CNTNAP2: variants seen among roughly 807,000 people sequenced by gnomAD.
CNTNAP2 encodes contactin-associated protein-like 2.
CNTNAP2 carries 98 observed loss-of-function variants against 155.2 expected under a neutral mutation model. That is an observed-to-expected ratio of 0.63 (90% CI 0.54 to 0.75). The LOEUF (loss-of-function observed/expected upper bound fraction) is 0.75, where lower values mean the gene tolerates loss of function less well. Among genes scored for constraint, CNTNAP2 ranks in the 30% least tolerant of loss-of-function variants. The pLI is 0.00. For synonymous variants in CNTNAP2, 651 were observed against 631.2 expected (o/e 1.03, Z -0.47); for missense variants, 1,727 against 1,688.1 (o/e 1.02, Z -0.40).
intron 3 of CNTNAP2, among the ~76,000 whole-genome samples, chr7:146,927,589 A>ATATACAATTTGTATAAAGATATACAG (rs1563005422): frequency 1.3e-5 from 2 of 152,156 alleles, no homozygotes; most frequent in African/African-American, 4.8e-5. Flanking sequence ...AAGATATACA[A>ATATACAATTTGTATAAAGATATACAG]TATTACTCCT....
chr7:146,512,587 A>T (rs539338159), intron 1 of CNTNAP2, among the ~76,000 whole-genome samples: 2 of 150,960 alleles, frequency 1.3e-5, no homozygotes, highest in African/African-American at 4.9e-5. Flanking sequence ...ATATATTCGT[A>T]GAGTTTCCAA....
chr7:146,931,076 C>T (rs1371423411), intron 3 of CNTNAP2, among the ~76,000 whole-genome samples: 38 of 151,850 alleles, frequency 2.5e-4, no homozygotes, highest in Non-Finnish European at 4.4e-5. Flanking sequence ...CAGCTCTGCA[C>T]CAAGTGGACC....
At chr7:148,329,570 G>A (rs1797950140) in intron 21 of CNTNAP2, among the ~76,000 whole-genome samples, 1 of 152,198 alleles carries the variant, frequency 6.6e-6, no homozygotes, top group Admixed American at 6.5e-5. Context: ...CAGGATTTGA[G>A]TTACGAGGCC....
At chr7:146,485,020 A>G (rs1797033667) in intron 1 of CNTNAP2, among the ~76,000 whole-genome samples, 1 of 152,228 alleles carries the variant, frequency 6.6e-6, no homozygotes, top group Non-Finnish European at 1.5e-5. Flanking sequence ...TATGTACGAA[A>G]AAGAGCAAGA....
At chr7:147,349,202 G>T (rs1795928634) in intron 9 of CNTNAP2, among the ~76,000 whole-genome samples, 1 of 151,816 alleles carries the variant, frequency 6.6e-6, no homozygotes, top group Non-Finnish European at 1.5e-5. Context: ...ATCCTAATCT[G>T]ACCGTTATAC....
chr7:146,921,689 C>A (rs945455222), intron 3 of CNTNAP2, among the ~76,000 whole-genome samples: 1 of 152,044 alleles, frequency 6.6e-6, no homozygotes, highest in African/African-American at 2.4e-5. Flanking sequence ...CTCCACCTGG[C>A]CCCACCTTTG....
At chr7:146,137,131 G>A (rs577105439) in intron 1 of CNTNAP2, among the ~76,000 whole-genome samples, 3 of 152,142 alleles carry the variant, frequency 2.0e-5, no homozygotes, top group Admixed American at 2.0e-4. Context: ...ATCCTTTATA[G>A]AGTAGCCTTT....
rs993686286 is a variant in CNTNAP2, at chr7:147,393,041, G to A, written c.1499-2568G>A. 1.7e-4 allele frequency among the ~76,000 whole-genome samples: 26 copies of A among 152,008 alleles called. 1 individual carries two copies. The highest frequency in any genetic ancestry group is 5.3e-4 in the Admixed American group (8 of 15,234). Reference sequence around the variant, plus strand: ...GTATGACATGGTGATGACTTGCCACGAAGTAAGTGATCTCAGAGACCAAGT... The same window carrying A: ...GTATGACATGGTGATGACTTGCCACAAAGTAAGTGATCTCAGAGACCAAGT... On this transcript the variant is annotated intron_variant, in intron 9 of 23. Transcript: ENST00000361727.
intron 1 of CNTNAP2, among the ~76,000 whole-genome samples, chr7:146,661,965 G>T (rs1008945232): frequency 2.6e-5 from 4 of 151,894 alleles, no homozygotes; most frequent in Non-Finnish European, 5.9e-5. Flanking sequence ...GTCAGCAATT[G>T]GTATTGTCTC....
At chr7:147,930,112 C>T (rs1407490287) in intron 14 of CNTNAP2, among the ~76,000 whole-genome samples, 2 of 149,930 alleles carry the variant, frequency 1.3e-5, no homozygotes, top group Admixed American at 6.7e-5. Context: ...CTGTATAGAG[C>T]ACATACAAAA....
At chr7:147,161,204 G>A (rs572696854) in intron 8 of CNTNAP2, among the ~76,000 whole-genome samples, 1 of 152,156 alleles carries the variant, frequency 6.6e-6, no homozygotes, top group African/African-American at 2.4e-5. Context: ...ATCTCTATGG[G>A]GATGATGAAT....
chr7:147,681,444 T>C (rs1008800628), intron 13 of CNTNAP2, among the ~76,000 whole-genome samples: 38 of 151,876 alleles, frequency 2.5e-4, no homozygotes, highest in African/African-American at 8.9e-4. Flanking sequence ...TCTGAAACTT[T>C]TTCCCCCATG....
chr7:147,101,675 G>C (rs922772493), intron 4 of CNTNAP2, among the ~76,000 whole-genome samples: 2 of 152,094 alleles, frequency 1.3e-5, no homozygotes, highest in East Asian at 3.9e-4. Context: ...GATGGAGTGG[G>C]AAGATGATCT....
At chr7:147,321,069 G>C (rs986417054) in intron 9 of CNTNAP2, among the ~76,000 whole-genome samples, 3 of 152,168 alleles carry the variant, frequency 2.0e-5, no homozygotes, top group African/African-American at 7.2e-5. Context: ...TCTTGACATA[G>C]TTTAAAACCT....
chr7:148,078,503 C>T (rs1803538694), intron 15 of CNTNAP2, among the ~76,000 whole-genome samples: 1 of 151,374 alleles, frequency 6.6e-6, no homozygotes, highest in Admixed American at 6.6e-5. Flanking sequence ...TATATTAGGC[C>T]GAGTTTCATT....
chr7:146,132,092 T>C (rs934538151), intron 1 of CNTNAP2, among the ~76,000 whole-genome samples: 12 of 152,212 alleles, frequency 7.9e-5, no homozygotes, highest in Admixed American at 5.2e-4. Context: ...AATGGACTAA[T>C]ACAGAATCTG....
chr7:148,059,813 A>G (rs1803099681), intron 15 of CNTNAP2, among the ~76,000 whole-genome samples: 1 of 150,860 alleles, frequency 6.6e-6, no homozygotes, highest in Non-Finnish European at 1.5e-5. Flanking sequence ...ACTTGATACA[A>G]AGTCTGCACT....
At chr7:147,516,930 C>T (rs953880900) in intron 11 of CNTNAP2, among the ~76,000 whole-genome samples, 2 of 147,758 alleles carry the variant, frequency 1.4e-5, no homozygotes, top group African/African-American at 2.5e-5. Context: ...GGCGCAATCT[C>T]GGCTCACTGC....
At chr7:147,548,282 T>C (rs1799782364) in intron 11 of CNTNAP2, among the ~76,000 whole-genome samples, 2 of 152,232 alleles carry the variant, frequency 1.3e-5, no homozygotes, top group Non-Finnish European at 2.9e-5. Flanking sequence ...TTTCTGACTT[T>C]TTAATAATCG....
Sources: allele counts gnomAD v4.1 joint callset (sites outside exome capture counted in the v4.1 genomes callset), GRCh38; gene constraint gnomAD v4.1.1; transcripts MANE v1.5; gene names NCBI Gene and HGNC (gene_info 2026-07-23, HGNC 2026-07-21).